The following MAD1L1 variants were observed in gnomAD, a reference collection of about 807,000 sequenced individuals.
MAD1L1 encodes mitotic spindle assembly checkpoint protein MAD1.
MAD1L1 carries 95 observed loss-of-function variants against 96.9 expected under a neutral mutation model. The observed-to-expected ratio is 0.98, with a 90% CI of 0.83 to 1.16. The LOEUF (loss-of-function observed/expected upper bound fraction) is 1.16. Ranked by LOEUF, MAD1L1 falls within the 50% of genes most tolerant of loss-of-function variation. The probability of loss-of-function intolerance (pLI) is 0.00; values close to 1 mark genes in which losing one functional copy is unlikely to be tolerated. For synonymous variants in MAD1L1, 473 were observed against 396.6 expected, an observed-to-expected ratio of 1.19 and a Z score of -2.29; for missense variants, 1,007 against 954.4, an observed-to-expected ratio of 1.06 and a Z score of -0.73.
At chr7:2,133,983 G>A (rs1469282449) in intron 11 of MAD1L1, among the ~76,000 whole-genome samples, 1 of 152,192 alleles carries the variant, frequency 6.6e-6, no homozygotes, top group Non-Finnish European at 1.5e-5. Flanking sequence ...GTTTTCCGGT[G>A]TTGTTCACTG....
intron 18 of MAD1L1, among the ~76,000 whole-genome samples, chr7:1,896,651 A>G (rs1339977926): frequency 1.3e-5 from 2 of 152,238 alleles, no homozygotes; most frequent in Non-Finnish European, 2.9e-5. Flanking sequence ...TCGCGGGAAG[A>G]TGACGAGTGG....
chr7:2,050,260 T>G (rs1351753723), intron 12 of MAD1L1, among the ~76,000 whole-genome samples: 1 of 152,206 alleles, frequency 6.6e-6, no homozygotes, highest in African/African-American at 2.4e-5. Flanking sequence ...CTTCCACCTG[T>G]TGCACTCCTA....
intron 17 of MAD1L1, among the ~76,000 whole-genome samples, chr7:1,906,208 G>A (rs1028944203): frequency 2.4e-4 from 36 of 152,308 alleles, no homozygotes; most frequent in African/African-American, 8.2e-4. Flanking sequence ...CAGCCCTGGT[G>A]CTTCTGTAGG....
rs1260334023 is a variant in MAD1L1 at position 2,112,687 on chromosome 7, C to T, written c.1073+36465G>A. ...ATGGAGCCAGTGTCAGGGTGTCCAC[C>T]GAGGGGCCCTGGGGCCCTGACACAC... On this transcript the variant is annotated intron_variant, in intron 11 of 18. Transcript: ENST00000265854. Among the ~76,000 whole-genome samples, 4 of 152,296 alleles carry T rather than the reference C, an allele frequency of 2.6e-5. No individual in the cohort carries two copies. In the East Asian group the frequency reaches 7.7e-4, roughly 29 times the overall value.
At chr7:1,874,205 C>T (rs1231873775) in intron 18 of MAD1L1, among the ~76,000 whole-genome samples, 3 of 152,150 alleles carry the variant, frequency 2.0e-5, no homozygotes, top group Non-Finnish European at 2.9e-5. Flanking sequence ...GAGGCCGTCT[C>T]GGTGCACGGC....
intron 10 of MAD1L1, among the ~76,000 whole-genome samples, chr7:2,157,322 C>T (rs1488015146): frequency 3.3e-5 from 5 of 152,200 alleles, no homozygotes; most frequent in Non-Finnish European, 5.9e-5. Context: ...AATGATGGAA[C>T]AAATCACAGC....
intron 18 of MAD1L1, among the ~76,000 whole-genome samples, chr7:1,893,059 G>A (rs189906604): frequency 3.3e-5 from 5 of 152,340 alleles, no homozygotes; most frequent in Admixed American, 3.3e-4. Flanking sequence ...CCCGCTCCAG[G>A]CCCAGGCAGA....
chr7:2,067,353 A>G (rs373060244), intron 12 of MAD1L1, among the ~76,000 whole-genome samples: 2 of 152,184 alleles, frequency 1.3e-5, no homozygotes, highest in East Asian at 3.9e-4. Context: ...CCCAGAGAGA[A>G]TGAGGGACAT....
intron 10 of MAD1L1, among the ~76,000 whole-genome samples, chr7:2,184,133 T>A (rs2128602908): frequency 6.6e-6 from 1 of 151,982 alleles, no homozygotes; most frequent in East Asian, 1.9e-4. Context: ...GCGCCTGTAG[T>A]CCCAGCTACT....
intron 11 of MAD1L1, among the ~76,000 whole-genome samples, chr7:2,121,177 A>C (rs148396122): frequency 5.7e-4 from 87 of 152,342 alleles, no homozygotes; most frequent in African/African-American, 2.0e-3. Context: ...TTCCCGCCTG[A>C]GGCCTCACGA....
rs537069831 is a variant in MAD1L1 at position 2,043,993 on chromosome 7, C to T, written c.1218+25201G>A. 6.6e-5 allele frequency among the ~76,000 whole-genome samples: 10 copies of T among 152,300 alleles called. No individual in the cohort carries two copies. In the South Asian group the frequency reaches 1.2e-3, roughly 19 times the overall value. ...GTGCCCGTCCCGTCAAGAGAGCACA[C>T]GCAATGGACGGCGGCAGCAATGCTC... On this transcript the variant is annotated intron_variant, in intron 12 of 18. Coordinates refer to ENST00000265854, the MANE Select transcript of MAD1L1 (RefSeq NM_001013836.2).
Position 2,215,868 on chromosome 7 carries a change from AC to A in MAD1L1, c.924+16del. The A allele has an allele frequency of 6.2e-7, 1 of 1,612,716 alleles. No individual in the cohort carries two copies. Among genetic ancestry groups the A allele is most frequent in the East Asian group, 2.2e-5 (1 of 44,874 alleles). ...CAGAGGACACCCACAGGAACCGCACACCACACAGGCCCTCACCTCGTTCTCC... is the reference window on the plus strand; with the variant it reads ...CAGAGGACACCCACAGGAACCGCACACACACAGGCCCTCACCTCGTTCTCC... On this transcript the variant is annotated intron_variant, in intron 9 of 18. Transcript: ENST00000265854.
chr7:2,219,437 C>T lies in MAD1L1; in HGVS notation c.491G>A (p.Gly164Glu). Reference protein sequence around the residue: ...QAGETINALKGRISELQWSVM... With the variant: ...QAGETINALKERISELQWSVM... ...GCTCCACTGCAGTTCCGAGATCCTC[C>T]CCTTCAGTGCGTTGATGGTCTAAAA... Residue 164 changes from glycine to glutamate, a missense_variant, in exon 6 of 19, where the codon GGG (glycine) becomes GAG (glutamate). Gly to Glu is a moderately conservative substitution (Grantham distance 98). Transcript: ENST00000265854. The T allele has an allele frequency of 6.2e-7, 1 of 1,613,740 alleles. No homozygotes were observed. The highest frequency in any genetic ancestry group is 8.5e-7 in the Non-Finnish European group (1 of 1,179,892).
At chr7:1,900,898 G>A (rs1007654600) in intron 17 of MAD1L1, among the ~76,000 whole-genome samples, 1 of 152,280 alleles carries the variant, frequency 6.6e-6, no homozygotes, top group East Asian at 1.9e-4. Context: ...TTGGTATGAG[G>A]TCCCAGGGCG....
At chr7:1,896,465 G>C (rs1015136692) in intron 18 of MAD1L1, among the ~76,000 whole-genome samples, 1 of 152,224 alleles carries the variant, frequency 6.6e-6, no homozygotes, top group Non-Finnish European at 1.5e-5. Context: ...AGCCCATGCA[G>C]GGCTTACAGT....
rs374518097 is a variant in MAD1L1, at chr7:2,028,403, C to CG, written c.1219-13762dup. On this transcript the variant is annotated intron_variant, in intron 12 of 18. Coordinates refer to ENST00000265854, the MANE Select transcript of MAD1L1 (RefSeq NM_001013836.2). ...TCATGCCATTGCACTCCAGCCTGGG[C>CG]GACAGAGCAAGACTCCATCTCAAAA... 4.3e-3 allele frequency among the ~76,000 whole-genome samples: 572 copies of CG among 132,760 alleles called. 5 individuals carry two copies. Among genetic ancestry groups the CG allele is most frequent in the African/African-American group, 0.016 (549 of 33,930 alleles). The allele number at this position is 132,760 out of a possible 152,430, so 87.1% of individuals were successfully genotyped here. A position where few individuals can be genotyped will look rare whatever the true frequency, so the allele number is the denominator to read the frequency against.
intron 11 of MAD1L1, among the ~76,000 whole-genome samples, chr7:2,073,935 C>A (rs1421203428): frequency 6.6e-6 from 1 of 152,216 alleles, no homozygotes; most frequent in African/African-American, 2.4e-5. Flanking sequence ...GTCATCAGGG[C>A]CACATCCCCA....
At chr7:2,220,905 G>C (rs768301379) in intron 5 of MAD1L1, 38 of 1,611,812 alleles carry the variant, frequency 2.4e-5, no homozygotes, top group Non-Finnish European at 3.2e-5. Context: ...GGCAAGGCCA[G>C]ATGCAGGGCC....
At chr7:2,218,500 T>C (rs912852704) in intron 6 of MAD1L1, among the ~76,000 whole-genome samples, 2 of 152,226 alleles carry the variant, frequency 1.3e-5, no homozygotes, top group African/African-American at 2.4e-5. Flanking sequence ...CACAGTCTCC[T>C]GACTGCACCT....
Sources: allele counts gnomAD v4.1 joint callset (sites outside exome capture counted in the v4.1 genomes callset), GRCh38; gene constraint gnomAD v4.1.1; transcripts MANE v1.5; gene names NCBI Gene and HGNC (gene_info 2026-07-23, HGNC 2026-07-21).